GLI2: variants seen among roughly 807,000 people sequenced by gnomAD.
GLI2 encodes the protein transcription activator GLI2.
GLI2 carries 22 observed loss-of-function variants against 78.9 expected under a neutral mutation model. That is an observed-to-expected ratio of 0.28 (90% CI 0.20 to 0.40). The LOEUF (loss-of-function observed/expected upper bound fraction) is 0.40, where lower values mean the gene tolerates loss of function less well. GLI2 is among the 10% of genes least tolerant of loss of function. GLI2 has a pLI of 1.00. For synonymous variants in GLI2, 974 were observed against 963.7 expected (o/e 1.01, Z -0.20); for missense variants, 2,097 against 2,213.2 (o/e 0.95, Z 1.05).
Position 120,737,114 on chromosome 2 carries a change from G to A in GLI2, c.-31+829G>A, listed in dbSNP as rs1173516120. Among the ~76,000 whole-genome samples the A allele has an allele frequency of 1.3e-5, 2 of 152,172 alleles. No individual in the cohort carries two copies. Among genetic ancestry groups the A allele is most frequent in the Non-Finnish European group, 2.9e-5 (2 of 68,034 alleles). ...GCAACTTGATCTGTATGTGATGGAT[G>A]GGGAGAGGCGCGGAGAGAGTTGGGC... On this transcript the variant is annotated intron_variant, in intron 1 of 13. Coordinates refer to ENST00000361492, the MANE Select transcript of GLI2 (RefSeq NM_001374353.1). This position sits in a 1 kb window ranked among gnomAD's most constrained non-coding sequence, Gnocchi z 4.3.
chr2:120,962,892 C>A (rs1461717769), intron 5 of GLI2, among the ~76,000 whole-genome samples: 2 of 152,260 alleles, frequency 1.3e-5, no homozygotes, highest in East Asian at 3.9e-4. Context: ...GTGTTTCTTA[C>A]TTTATATCAT....
At chr2:120,875,703 C>T (rs1393881608) in intron 2 of GLI2, among the ~76,000 whole-genome samples, 1 of 152,122 alleles carries the variant, frequency 6.6e-6, no homozygotes, top group African/African-American at 2.4e-5. Context: ...ACGATCTAAA[C>T]CCCAGGAGGA....
At chr2:120,809,013 A>C (rs1685101640) in intron 2 of GLI2, among the ~76,000 whole-genome samples, 1 of 152,186 alleles carries the variant, frequency 6.6e-6, no homozygotes. Context: ...TCCACTCTTC[A>C]AGAACTACCT....
At chr2:120,951,522 C>A in intron 4 of GLI2, 77 bp downstream of exon 4, 2 of 852,336 alleles carry the variant, frequency 2.3e-6, no homozygotes, top group Non-Finnish European at 1.9e-6. Context: ...CACGCTAACA[C>A]TGTCAACTCC....
intron 1 of GLI2, among the ~76,000 whole-genome samples, chr2:120,795,085 T>C (rs1267758786): frequency 6.6e-6 from 1 of 152,192 alleles, no homozygotes; most frequent in African/African-American, 2.4e-5. Context: ...AATAAAATTC[T>C]AGGCCGAGTG....
intron 5 of GLI2, among the ~76,000 whole-genome samples, chr2:120,959,524 C>T (rs187707106): frequency 1.8e-4 from 28 of 152,346 alleles, no homozygotes; most frequent in Admixed American, 9.8e-4. Context: ...AGAACCAGAA[C>T]CTTCGCTTCA....
intron 2 of GLI2, among the ~76,000 whole-genome samples, chr2:120,884,253 T>G (rs1454848485): frequency 6.6e-6 from 1 of 152,020 alleles, no homozygotes; most frequent in Non-Finnish European, 1.5e-5. Flanking sequence ...GCACGGATGG[T>G]GGAGTGGACA....
chr2:120,812,229 G>A (rs560084650), intron 2 of GLI2, among the ~76,000 whole-genome samples: 2 of 152,308 alleles, frequency 1.3e-5, no homozygotes, highest in African/African-American at 4.8e-5. Flanking sequence ...GCTGAAGAGC[G>A]GGTTCAGGTC....
intron 2 of GLI2, among the ~76,000 whole-genome samples, chr2:120,892,934 A>G (rs77718071): frequency 0.083 from 12,598 of 152,136 alleles, 622 homozygotes; most frequent in Middle Eastern, 0.14. Flanking sequence ...CCCAAACCCA[A>G]TGGGGTTGTT....
intron 1 of GLI2, among the ~76,000 whole-genome samples, chr2:120,740,940 A>T (rs957290255): frequency 1.3e-5 from 2 of 152,208 alleles, no homozygotes; most frequent in African/African-American, 4.8e-5. Context: ...GCTGAGCAGC[A>T]CGGGCGCAGC....
chr2:120,755,220 G>C (rs1446872887), intron 1 of GLI2, among the ~76,000 whole-genome samples: 2 of 152,148 alleles, frequency 1.3e-5, no homozygotes, highest in Non-Finnish European at 2.9e-5. Context: ...TCCCACCAAT[G>C]GTATTTGAAA....
At chr2:120,820,069 T>A (rs1685691521) in intron 2 of GLI2, among the ~76,000 whole-genome samples, 1 of 152,032 alleles carries the variant, frequency 6.6e-6, no homozygotes, top group Admixed American at 6.5e-5. Context: ...GGAGGAAACC[T>A]CCAGCAGCAT....
At chr2:120,827,809 T>G (rs1169863042) in intron 2 of GLI2, among the ~76,000 whole-genome samples, 6 of 152,220 alleles carry the variant, frequency 3.9e-5, no homozygotes, top group Non-Finnish European at 8.8e-5. Context: ...ATTCCACTTA[T>G]ACGCGGTCCC....
rs570758800 is a variant in GLI2 at position 120,865,594 on chromosome 2, C to T, written c.149-61767C>T. 9.8e-5 allele frequency among the ~76,000 whole-genome samples: 15 copies of T among 152,298 alleles called. No homozygotes were observed. The East Asian group carries it at 2.7e-3, about 27-fold the overall frequency. ...CTTTTCAGTTTTGCTGACCCGGGAG[C>T]GTTGGGGTTGAGCTTTTTGTGTAAG... is the stretch of plus-strand genomic sequence containing the variant. On this transcript the variant is annotated intron_variant, in intron 2 of 13. Transcript: ENST00000361492.
intron 2 of GLI2, among the ~76,000 whole-genome samples, chr2:120,845,039 G>A (rs1370696216): frequency 6.6e-6 from 1 of 152,128 alleles, no homozygotes; most frequent in Non-Finnish European, 1.5e-5. Context: ...TTCGGAGGCT[G>A]AGGTGGGTGG....
rs115775522 is a variant in GLI2, at chr2:120,850,383, C to G, written c.148+52915C>G. ...AAGGAGGACTAAACTACTACCCTTC[C>G]GATCAACAGCAGTGAGTGTGTCAAG... On this transcript the variant is annotated intron_variant, in intron 2 of 13. Transcript: ENST00000361492. 4.9e-3 allele frequency among the ~76,000 whole-genome samples: 741 copies of G among 152,196 alleles called. 3 individuals are homozygous for G. Among genetic ancestry groups the G allele is most frequent in the Non-Finnish European group, 6.7e-3 (454 of 68,026 alleles).
intron 4 of GLI2, among the ~76,000 whole-genome samples, chr2:120,952,735 G>C (rs1446167160): frequency 1.3e-5 from 2 of 152,238 alleles, no homozygotes; most frequent in African/African-American, 4.8e-5. Flanking sequence ...CCTTGACCAA[G>C]CTGGGGTGCC....
At chr2:120,778,305 C>T (rs1683741867) in intron 1 of GLI2, among the ~76,000 whole-genome samples, 3 of 152,190 alleles carry the variant, frequency 2.0e-5, no homozygotes, top group African/African-American at 7.2e-5. Flanking sequence ...CCTCCTCTTC[C>T]TTTGTATCTC....
chr2:120,750,274 G>A (rs566178894), intron 1 of GLI2, among the ~76,000 whole-genome samples: 4 of 152,374 alleles, frequency 2.6e-5, no homozygotes, highest in African/African-American at 9.6e-5. Context: ...CCTTTTGGGG[G>A]CAAGTTTGGG....
Sources: allele counts gnomAD v4.1 joint callset (sites outside exome capture counted in the v4.1 genomes callset), GRCh38; gene constraint gnomAD v4.1.1; non-coding constraint Gnocchi (gnomAD v3.1); transcripts MANE v1.5; gene names NCBI Gene and HGNC (gene_info 2026-07-23, HGNC 2026-07-21).